ZP3: variants seen among roughly 807,000 people sequenced by gnomAD.
ZP3 encodes zona pellucida glycoprotein 3, also known as zona pellucida sperm-binding protein 3.
Under a neutral mutation model 35.6 loss-of-function variants are expected in ZP3, and 21 were observed. The ratio of observed to expected loss-of-function variants is 0.59; its 90% CI spans 0.42 to 0.85. The LOEUF (loss-of-function observed/expected upper bound fraction) is 0.85, where lower values mean the gene tolerates loss of function less well. Among genes scored for constraint, ZP3 ranks in the 40% least tolerant of loss-of-function variants. ZP3 has a pLI of 0.00. For missense variants in ZP3, 437 were observed against 536.5 expected (o/e 0.81, Z 1.83); for synonymous variants, 207 against 214.5 (o/e 0.96, Z 0.31).
At position 76,440,253 on chromosome 7, in the gene ZP3, T is replaced by A; in HGVS notation, c.835T>A (p.Tyr279Asn). Residue 279 changes from tyrosine (Y) to asparagine (N), a missense_variant, in exon 6 of 8, where the codon TAC (tyrosine) becomes AAC (asparagine). Transcript: ENST00000394857. ...AAATAGCTGTTATTCCTTGCAGATA[T>A]ACATCACCTGCCACCTGAAGGTCAC... Reference protein sequence around the residue: ...HFANDSRNMIYITCHLKVTLA... With the variant: ...HFANDSRNMINITCHLKVTLA... 1.2e-6 allele frequency: 2 copies of A among 1,609,012 alleles called. No individual in the cohort carries two copies. Among genetic ancestry groups the A allele is most frequent in the East Asian group, 2.3e-5 (1 of 44,346 alleles).
intron 1 of ZP3, among the ~76,000 whole-genome samples, chr7:76,406,460 A>T (rs1348657140): frequency 2.0e-5 from 3 of 151,624 alleles, no homozygotes; most frequent in East Asian, 1.9e-4. Context: ...TAATTAATTA[A>T]TTTTTTTTAC....
intron 1 of ZP3, among the ~76,000 whole-genome samples, chr7:76,426,109 A>G (rs1462629082): frequency 6.6e-6 from 1 of 151,356 alleles, no homozygotes; most frequent in Non-Finnish European, 1.5e-5. Context: ...TTCCACATAG[A>G]TAAGTGGTAT....
At position 76,433,511 on chromosome 7, in the gene ZP3, G is replaced by A. The variant is rs764124207; in HGVS notation, c.577G>A (p.Gly193Arg). 6.2e-7 allele frequency: 1 copy of A among 1,614,006 alleles called. No individual in the cohort carries two copies. Among genetic ancestry groups the A allele is most frequent in the Non-Finnish European group, 8.5e-7 (1 of 1,179,984 alleles). Residue 193 changes from glycine (G) to arginine (R), a missense_variant, in exon 4 of 8, where the codon GGA (glycine) becomes AGA (arginine). Physicochemically the swap from Gly to Arg is moderately radical, Grantham distance 125 (BLOSUM62 -2). Around this residue, in one of 6 missense-constraint regions of ZP3, gnomAD observed 352 missense variants for 308.4 expected, o/e 1.14. Transcript: ENST00000394857. ...AEKRSPTFHLGDAAHLQAEIH... is the reference protein window; with the variant it reads ...AEKRSPTFHLRDAAHLQAEIH... ...GAAGAGGTCCCCCACCTTCCACCTG[G>A]GAGATGCAGCCCACCTCCAGGCAGA... is the stretch of plus-strand genomic sequence containing the variant.
Position 76,425,294 on chromosome 7 carries a change from C to T in ZP3, c.312+18C>T. The stretch of plus-strand genomic sequence containing the variant: ...GCATGCAGGTAAGAGAGGCTGGGGG[C>T]CCTGGCTTTGGTGGGAGGATGTTCG... On this transcript the variant is annotated intron_variant, in intron 1 of 7. Coordinates refer to ENST00000394857, the MANE Select transcript of ZP3 (RefSeq NM_001110354.2). The T allele has an allele frequency of 1.3e-6, 2 of 1,586,984 alleles. No homozygotes were observed. The highest frequency in any genetic ancestry group is 1.1e-5 in the South Asian group (1 of 89,560).
At chr7:76,433,353 C>T (rs1023356740) in intron 3 of ZP3, 117 bp from the exon 4 acceptor site, 6 of 1,143,056 alleles carry the variant, frequency 5.2e-6, no homozygotes, top group Non-Finnish European at 7.4e-6. Flanking sequence ...TGGGGTTTTG[C>T]CACGTTGGCT....
At chr7:76,431,501 G>A (rs1805823659) in intron 2 of ZP3, among the ~76,000 whole-genome samples, 1 of 152,110 alleles carries the variant, frequency 6.6e-6, no homozygotes, top group African/African-American at 2.4e-5. Flanking sequence ...AGCAGGGTAG[G>A]TATCTGCAGA....
At position 76,398,837 on chromosome 7, in the gene ZP3, C is replaced by T. The variant is rs748451201; in HGVS notation, c.-67+1040C>T. 72 of 1,603,266 alleles carry T rather than the reference C, an allele frequency of 4.5e-5. No homozygotes were observed. The South Asian group carries it at 7.7e-4, about 17-fold the overall frequency. On this transcript the variant is annotated intron_variant, in intron 1 of 8. Coordinates refer to the ZP3 transcript ENST00000336517. ...AAGTGGATACAGGGGTCTTTCTGTTCTCCATCCTCACACCACGGGGTGTTT... is the reference window on the plus strand; with the variant it reads ...AAGTGGATACAGGGGTCTTTCTGTTTTCCATCCTCACACCACGGGGTGTTT...
At chr7:76,432,901 G>A (rs1256081446) in intron 2 of ZP3, 26 bp from the exon 3 acceptor site, 1 of 1,605,068 alleles carries the variant, frequency 6.2e-7, no homozygotes, top group African/African-American at 1.3e-5. Context: ...TGAGGCAGGT[G>A]TGCACAGCTG....
At chr7:76,415,360 G>A (rs1198915333) in intron 1 of ZP3, among the ~76,000 whole-genome samples, 9 of 26,196 alleles carry the variant, frequency 3.4e-4, no homozygotes, top group East Asian at 1.0e-3. Flanking sequence ...GTGAGACTCC[G>A]TCTCAAAAAA....
At position 76,432,409 on chromosome 7, in the gene ZP3, C is replaced by T. The variant is rs182060740; in HGVS notation, c.432-518C>T. 2.4e-3 allele frequency among the ~76,000 whole-genome samples: 370 copies of T among 152,234 alleles called. 3 individuals are homozygous for T. Among genetic ancestry groups the T allele is most frequent in the African/African-American group, 8.2e-3 (339 of 41,560 alleles). ...CCATGTTAGCCAGGATGGTCTCGAT[C>T]TCCTGACCTCATGATCCGCCCGCCT... On this transcript the variant is annotated intron_variant, in intron 2 of 7. Coordinates refer to ENST00000394857, the MANE Select transcript of ZP3 (RefSeq NM_001110354.2).
chr7:76,397,969 T>C (rs1251824634), intron 1 of ZP3: 1 of 869,400 alleles, frequency 1.2e-6, no homozygotes, highest in East Asian at 2.8e-5. Flanking sequence ...ACCGCCTCCT[T>C]GGTCCAGACT....
At chr7:76,428,108 C>G (rs1280911005) in intron 1 of ZP3, among the ~76,000 whole-genome samples, 1 of 151,132 alleles carries the variant, frequency 6.6e-6, no homozygotes, top group Non-Finnish European at 1.5e-5. Context: ...GGTGGATCAC[C>G]TGAGGCCAGG....
At chr7:76,408,694 T>TACCC (rs1805126593) in intron 1 of ZP3, among the ~76,000 whole-genome samples, 1 of 152,142 alleles carries the variant, frequency 6.6e-6, no homozygotes, top group South Asian at 2.1e-4. Flanking sequence ...GCCTGCCTCC[T>TACCC]ACCCTCCCAG....
At chr7:76,400,893 G>T in intron 1 of ZP3, 1 of 1,375,730 alleles carries the variant, frequency 7.3e-7, no homozygotes, top group Non-Finnish European at 1.0e-6. Context: ...CCCTGAGATG[G>T]GGGCATCTAG....
intron 1 of ZP3, among the ~76,000 whole-genome samples, chr7:76,412,804 G>C (rs1337187005): frequency 6.6e-6 from 1 of 150,898 alleles, no homozygotes; most frequent in African/African-American, 2.4e-5. Flanking sequence ...AGCTGAGATC[G>C]CGCCATTGCA....
chr7:76,411,052 C>A (rs1039159290), intron 1 of ZP3, among the ~76,000 whole-genome samples: 1 of 150,848 alleles, frequency 6.6e-6, no homozygotes, highest in African/African-American at 2.4e-5. Flanking sequence ...CTGCCATCAC[C>A]ATGCTGCAAA....
At chr7:76,415,343 C>T (rs1306288705) in intron 1 of ZP3, among the ~76,000 whole-genome samples, 16 of 97,560 alleles carry the variant, frequency 1.6e-4, no homozygotes, top group Non-Finnish European at 3.1e-4. Flanking sequence ...TTCAGCCTGG[C>T]GATAGAGTGA....
chr7:76,416,973 T>TATATATATATAA (rs568367143), intron 1 of ZP3, among the ~76,000 whole-genome samples: 8 of 47,152 alleles, frequency 1.7e-4, no homozygotes, highest in African/African-American at 6.4e-4. Flanking sequence ...TATATATATA[T>TATATATATATAA]AATTTGGCAT....
At chr7:76,416,941 CATACATAT>C (rs2115855036) in intron 1 of ZP3, among the ~76,000 whole-genome samples, 1 of 77,242 alleles carries the variant, frequency 1.3e-5, no homozygotes, top group Admixed American at 1.7e-4. Flanking sequence ...CATATGTATA[CATACATAT>C]ATATATATAT....
Sources: gnomAD v4.1 joint callset for allele counts (sites outside exome capture counted in the v4.1 genomes callset) on GRCh38, gnomAD v4.1.1 for gene constraint, gnomAD v4.1.1 regional missense constraint, MANE v1.5 for transcripts, NCBI Gene and HGNC (gene_info 2026-07-23, HGNC 2026-07-21) for gene names.